ARFIP1: variants seen among roughly 807,000 people sequenced by gnomAD.
The protein encoded by ARFIP1 is ARF interacting protein 1.
ARFIP1 carries 24 observed loss-of-function variants against 42.5 expected under a neutral mutation model. The ratio of observed to expected loss-of-function variants is 0.57; its 90% CI spans 0.41 to 0.80. The LOEUF is 0.80. Among genes scored for constraint, ARFIP1 ranks in the 30% least tolerant of loss-of-function variants. The pLI is 0.00. For missense variants in ARFIP1, 354 were observed against 434.0 expected (o/e 0.82, Z 1.64); for synonymous variants, 141 against 153.7 (o/e 0.92, Z 0.61).
chr4:152,807,175 C>A (rs1482246183), intron 1 of ARFIP1: 2 of 128,238 alleles, frequency 1.6e-5, no homozygotes, highest in Non-Finnish European at 3.2e-5. Flanking sequence ...ATTCATTAAC[C>A]TAGTGATGGA....
intron 1 of ARFIP1, among the ~76,000 whole-genome samples, chr4:152,792,882 G>A (rs916332512): frequency 6.6e-6 from 1 of 152,054 alleles, no homozygotes; most frequent in Admixed American, 6.5e-5. Context: ...AACTTGAGGT[G>A]ACAAATTCTA....
At chr4:152,831,228 C>CTTT (rs753492052) in intron 2 of ARFIP1, among the ~76,000 whole-genome samples, 1 of 152,176 alleles carries the variant, frequency 6.6e-6, no homozygotes, top group Non-Finnish European at 1.5e-5. Context: ...GGTAACAGCT[C>CTTT]TTTTTGCAAA....
intron 6 of ARFIP1, 143 bp from the exon 7 acceptor site, chr4:152,882,580 T>C (rs1225145260): frequency 2.2e-6 from 2 of 905,740 alleles, no homozygotes; most frequent in Admixed American, 6.4e-5. Flanking sequence ...TTTCGATTCT[T>C]AAAGACGGAA....
chr4:152,797,153 G>A (rs1232750761), intron 1 of ARFIP1, among the ~76,000 whole-genome samples: 2 of 152,154 alleles, frequency 1.3e-5, no homozygotes, highest in Non-Finnish European at 1.5e-5. Flanking sequence ...TCTGGAATAT[G>A]ATGTGAGATA....
At chr4:152,877,989 A>G (rs1055018374) in intron 5 of ARFIP1, among the ~76,000 whole-genome samples, 2 of 152,184 alleles carry the variant, frequency 1.3e-5, no homozygotes, top group East Asian at 1.9e-4. Flanking sequence ...CAGCATGAAA[A>G]TGGACTAATA....
At chr4:152,812,848 A>T (rs918261904) in intron 1 of ARFIP1, among the ~76,000 whole-genome samples, 1 of 152,212 alleles carries the variant, frequency 6.6e-6, no homozygotes, top group Admixed American at 6.5e-5. Context: ...TTTCATTTCC[A>T]CAATCCAGTT....
At chr4:152,783,471 C>G (rs376228854) in intron 1 of ARFIP1, among the ~76,000 whole-genome samples, 6 of 152,138 alleles carry the variant, frequency 3.9e-5, no homozygotes, top group Admixed American at 6.6e-5. Context: ...CAAATGATAA[C>G]CTTATAAAGT....
intron 5 of ARFIP1, among the ~76,000 whole-genome samples, chr4:152,873,222 T>C (rs752782005): frequency 3.2e-4 from 48 of 152,352 alleles, no homozygotes; most frequent in South Asian, 8.3e-4. Context: ...ATGAAAGCCC[T>C]AGCAGCTCAG....
chr4:152,820,022 GA>G (rs1470378907), intron 1 of ARFIP1, among the ~76,000 whole-genome samples: 46 of 152,092 alleles, frequency 3.0e-4, no homozygotes, highest in Non-Finnish European at 2.5e-4. Flanking sequence ...TCCTGCAGAT[GA>G]AAAGAGGTGC....
At chr4:152,844,650 T>A (rs1185320123) in intron 2 of ARFIP1, among the ~76,000 whole-genome samples, 1 of 152,062 alleles carries the variant, frequency 6.6e-6, no homozygotes, top group South Asian at 2.1e-4. Flanking sequence ...TTAAAGAAAT[T>A]CAACATAATA....
intron 1 of ARFIP1, among the ~76,000 whole-genome samples, chr4:152,783,887 TGTAA>T (rs1175425273): frequency 1.3e-5 from 2 of 151,952 alleles, no homozygotes; most frequent in Non-Finnish European, 2.9e-5. Context: ...AATAAAGAAT[TGTAA>T]GTATTATAAA....
chr4:152,888,386 G>T, intron 8 of ARFIP1, 79 bp downstream of exon 8: 3 of 1,025,160 alleles, frequency 2.9e-6, no homozygotes, highest in Admixed American at 3.4e-5. Flanking sequence ...TTCTGTTTCT[G>T]TTAACTCTCT....
intron 5 of ARFIP1, among the ~76,000 whole-genome samples, chr4:152,876,929 A>G (rs1263290597): frequency 6.6e-6 from 1 of 152,226 alleles, no homozygotes; most frequent in African/African-American, 2.4e-5. Flanking sequence ...GGTGCACAGA[A>G]GTCAGGAATT....
At chr4:152,814,363 G>C (rs1729710982) in intron 1 of ARFIP1, among the ~76,000 whole-genome samples, 1 of 151,904 alleles carries the variant, frequency 6.6e-6, no homozygotes, top group Non-Finnish European at 1.5e-5. Flanking sequence ...CAAAGTGCTG[G>C]GATTATAGAT....
At chr4:152,905,616 G>A (rs990453355) in intron 8 of ARFIP1, among the ~76,000 whole-genome samples, 2 of 136,796 alleles carry the variant, frequency 1.5e-5, no homozygotes, top group African/African-American at 5.4e-5. Flanking sequence ...GCAGTGGCGC[G>A]ATACGGGCTC....
At chr4:152,843,302 C>A (rs1266721400) in intron 2 of ARFIP1, among the ~76,000 whole-genome samples, 1 of 152,160 alleles carries the variant, frequency 6.6e-6, no homozygotes, top group Non-Finnish European at 1.5e-5. Flanking sequence ...TGGATTCCAG[C>A]ACCTATTCCA....
chr4:152,855,499 C>T (rs918044179), intron 2 of ARFIP1, among the ~76,000 whole-genome samples: 1 of 152,212 alleles, frequency 6.6e-6, no homozygotes, highest in Non-Finnish European at 1.5e-5. Context: ...CCTTAGATCT[C>T]GGCCCCTGCA....
chr4:152,904,895 T>TG (rs917050356), intron 8 of ARFIP1, among the ~76,000 whole-genome samples: 4 of 152,212 alleles, frequency 2.6e-5, no homozygotes, highest in South Asian at 2.1e-4. Flanking sequence ...TTTATATTTT[T>TG]GGGGGGGTAT....
At position 152,808,984 on chromosome 4, in the gene ARFIP1, G is replaced by A. The variant is rs377107990; in HGVS notation, c.-9-20641G>A. Among the ~76,000 whole-genome samples, 6 of 152,206 alleles carry A rather than the reference G, an allele frequency of 3.9e-5. No individual in the cohort carries two copies. In the South Asian group the frequency reaches 6.2e-4, roughly 16 times the overall value. On this transcript the variant is annotated intron_variant, in intron 1 of 8. Transcript: ENST00000353617. ...GGAGAATGGCTTGAACCTGGGAGGCGGAGATTTTAGTGAGCAAAGATTGCA... is the reference window on the plus strand; with the variant it reads ...GGAGAATGGCTTGAACCTGGGAGGCAGAGATTTTAGTGAGCAAAGATTGCA...
Sources: allele counts gnomAD v4.1 joint callset (sites outside exome capture counted in the v4.1 genomes callset), GRCh38; gene constraint gnomAD v4.1.1; transcripts MANE v1.5; gene names NCBI Gene and HGNC (gene_info 2026-07-23, HGNC 2026-07-21).